Variants in NXPH1 observed in about 807,000 individuals in gnomAD.
NXPH1 encodes the protein neurexophilin-1.
A neutral mutation model predicts 23.7 loss-of-function variants in NXPH1; 5 were observed. The ratio of observed to expected loss-of-function variants is 0.21; its 90% CI spans 0.11 to 0.44. NXPH1 has a LOEUF of 0.44. NXPH1 is among the 20% of genes least tolerant of loss of function. The pLI, the probability that NXPH1 is intolerant of heterozygous loss-of-function variation, is 0.99. For synonymous variants in NXPH1, 144 were observed against 122.2 expected, an observed-to-expected ratio of 1.18 and a Z score of -1.18; for missense variants, 324 against 321.6, an observed-to-expected ratio of 1.01 and a Z score of -0.06.
intron 2 of NXPH1, among the ~76,000 whole-genome samples, chr7:8,656,576 G>A (rs923469298): frequency 6.7e-6 from 1 of 150,152 alleles, no homozygotes; most frequent in Non-Finnish European, 1.5e-5. Flanking sequence ...AAGTTTTAGG[G>A]TACATGTGCA....
chr7:8,460,409 A>C (rs1014868804), intron 2 of NXPH1, among the ~76,000 whole-genome samples: 1 of 152,082 alleles, frequency 6.6e-6, no homozygotes, highest in Non-Finnish European at 1.5e-5. Context: ...TTTTGTTAAG[A>C]ATTAATTTTT....
intron 2 of NXPH1, among the ~76,000 whole-genome samples, chr7:8,732,518 C>A (rs139319638): frequency 6.6e-6 from 1 of 152,258 alleles, no homozygotes; most frequent in African/African-American, 2.4e-5. Flanking sequence ...ACATATAGAA[C>A]ACTTCTCTCT....
chr7:8,441,619 T>A (rs963391761), intron 2 of NXPH1, among the ~76,000 whole-genome samples: 1 of 152,210 alleles, frequency 6.6e-6, no homozygotes, highest in African/African-American at 2.4e-5. Flanking sequence ...GTTGGCTCTG[T>A]CAGCTCGAGA....
intron 2 of NXPH1, among the ~76,000 whole-genome samples, chr7:8,644,440 T>G (rs1820363855): frequency 6.6e-6 from 1 of 152,194 alleles, no homozygotes; most frequent in African/African-American, 2.4e-5. Context: ...TCGGTTGAAG[T>G]TTTTTCACTG....
chr7:8,516,586 T>C (rs1035267183), intron 2 of NXPH1, among the ~76,000 whole-genome samples: 12 of 152,108 alleles, frequency 7.9e-5, no homozygotes, highest in African/African-American at 2.9e-4. Context: ...ATAAAAGTGA[T>C]GGTTTTGTCC....
chr7:8,605,557 A>G (rs1819467903), intron 2 of NXPH1, among the ~76,000 whole-genome samples: 2 of 152,154 alleles, frequency 1.3e-5, no homozygotes, highest in South Asian at 4.1e-4. Context: ...AGCAACAAAA[A>G]TTGACATCTG....
intron 2 of NXPH1, among the ~76,000 whole-genome samples, chr7:8,521,379 C>G (rs1226136095): frequency 6.6e-6 from 1 of 152,162 alleles, no homozygotes; most frequent in Non-Finnish European, 1.5e-5. Context: ...GTTCCCAGCC[C>G]CCTTGCTGTT....
At chr7:8,685,566 CAT>C (rs1203178176) in intron 2 of NXPH1, among the ~76,000 whole-genome samples, 2 of 151,968 alleles carry the variant, frequency 1.3e-5, no homozygotes, top group Non-Finnish European at 2.9e-5. Context: ...CTACACAAAA[CAT>C]AGTGCAGATA....
chr7:8,509,966 T>A (rs1274778093), intron 2 of NXPH1, among the ~76,000 whole-genome samples: 2 of 152,162 alleles, frequency 1.3e-5, no homozygotes, highest in Non-Finnish European at 2.9e-5. Flanking sequence ...TGAAAAATCC[T>A]GTTATAAATA....
chr7:8,469,088 A>G (rs1816829944), intron 2 of NXPH1, among the ~76,000 whole-genome samples: 1 of 152,048 alleles, frequency 6.6e-6, no homozygotes, highest in Non-Finnish European at 1.5e-5. Flanking sequence ...TTTAAGATAC[A>G]GAAAAAAGAA....
rs1389749778 is a variant in NXPH1, at chr7:8,435,094, C to T, written c.-111+339C>T. 2 of 155,272 alleles carry T rather than the reference C, an allele frequency of 1.3e-5. No homozygotes were observed. The highest frequency in any genetic ancestry group is 3.8e-4 in the East Asian group (2 of 5,264). 9.6% of individuals were successfully genotyped at this position (155,272 alleles called of 1,614,324 possible). A position where few individuals can be genotyped will look rare whatever the true frequency, so the allele number is the denominator to read the frequency against. On this transcript the variant is annotated intron_variant, in intron 1 of 2. Transcript: ENST00000405863. The surrounding 1 kb of genome is among the most constrained non-coding windows in gnomAD (Gnocchi z 5.9). ...CCGAACGTGTTGAGGTACCTAGCAC[C>T]TAATCGCGGTCAGTTCTACCTACCT...
chr7:8,619,029 A>C (rs1485097112), intron 2 of NXPH1, among the ~76,000 whole-genome samples: 1 of 152,188 alleles, frequency 6.6e-6, no homozygotes, highest in African/African-American at 2.4e-5. Context: ...TAGTATGTAC[A>C]AAAGAGATGG....
At chr7:8,506,887 G>T (rs1167502907) in intron 2 of NXPH1, among the ~76,000 whole-genome samples, 1 of 152,034 alleles carries the variant, frequency 6.6e-6, no homozygotes, top group East Asian at 1.9e-4. Flanking sequence ...ACCAGACCCT[G>T]CATGCCCTGC....
chr7:8,479,705 C>A (rs2128609641), intron 2 of NXPH1, among the ~76,000 whole-genome samples: 1 of 152,202 alleles, frequency 6.6e-6, no homozygotes, highest in South Asian at 2.1e-4. Context: ...TTTGTTAAAT[C>A]ATATAGCTAG....
Position 8,575,056 on chromosome 7 carries a change from T to C in NXPH1, c.54+139289T>C, listed in dbSNP as rs543649772. ...AAATGTAAATAGCTTCTCCCTTTTA[T>C]ATTATGTTTGACTCTGACATTAATG... On this transcript the variant is annotated intron_variant, in intron 2 of 2. Coordinates refer to ENST00000405863, the MANE Select transcript of NXPH1 (RefSeq NM_152745.3). 3.3e-5 allele frequency among the ~76,000 whole-genome samples: 5 copies of C among 152,294 alleles called. No individual in the cohort carries two copies. The South Asian group carries it at 8.3e-4, about 25-fold the overall frequency.
At chr7:8,481,701 A>T (rs2128609891) in intron 2 of NXPH1, among the ~76,000 whole-genome samples, 1 of 152,248 alleles carries the variant, frequency 6.6e-6, no homozygotes, top group East Asian at 1.9e-4. Flanking sequence ...TTTTAGATTC[A>T]GTGGGTGCAT....
intron 2 of NXPH1, among the ~76,000 whole-genome samples, chr7:8,543,721 C>T (rs951459981): frequency 7.9e-5 from 12 of 151,630 alleles, no homozygotes; most frequent in Non-Finnish European, 1.3e-4. Context: ...CAACAGGTAG[C>T]ATGCTAAGCA....
chr7:8,485,147 T>A (rs925862159), intron 2 of NXPH1, among the ~76,000 whole-genome samples: 9 of 152,130 alleles, frequency 5.9e-5, no homozygotes, highest in African/African-American at 2.2e-4. Context: ...GTGGGCAGGC[T>A]TTTCCTGTGC....
chr7:8,600,339 T>A (rs1819329889), intron 2 of NXPH1, among the ~76,000 whole-genome samples: 1 of 152,172 alleles, frequency 6.6e-6, no homozygotes, highest in African/African-American at 2.4e-5. Context: ...TTCAATTTAT[T>A]TCCTACTTAT....
Sources: allele counts gnomAD v4.1 joint callset (sites outside exome capture counted in the v4.1 genomes callset), GRCh38; gene constraint gnomAD v4.1.1; non-coding constraint Gnocchi (gnomAD v3.1); transcripts MANE v1.5; gene names NCBI Gene and HGNC (gene_info 2026-07-23, HGNC 2026-07-21).